The following ASCC1 variants were observed in gnomAD, a reference collection of about 807,000 sequenced individuals.
ASCC1 encodes the protein ASC-1 complex subunit P50.
In ASCC1, 35 loss-of-function variants were observed where a neutral mutation model predicts 46.6. The ratio of observed to expected loss-of-function variants is 0.75; its 90% confidence interval spans 0.57 to 0.99. The LOEUF is 0.99. Among genes scored for constraint, ASCC1 ranks in the 50% least tolerant of loss-of-function variants. ASCC1 has a pLI of 0.00. For missense variants in ASCC1, 376 were observed against 428.7 expected (o/e 0.88, Z 1.09); for synonymous variants, 143 against 146.6 (o/e 0.98, Z 0.18).
intron 5 of ASCC1, among the ~76,000 whole-genome samples, chr10:72,178,823 C>A (rs958080024): frequency 5.3e-5 from 8 of 152,104 alleles, no homozygotes; most frequent in Non-Finnish European, 2.9e-5. Flanking sequence ...TCAACAGAAT[C>A]TTTCATATCA....
At chr10:72,205,774 C>T (rs933457872) in intron 3 of ASCC1, among the ~76,000 whole-genome samples, 9 of 151,696 alleles carry the variant, frequency 5.9e-5, no homozygotes, top group Non-Finnish European at 1.2e-4. Context: ...CCAGCCTGGG[C>T]GACAGAGGGA....
At chr10:72,198,799 C>G (rs892168973) in intron 4 of ASCC1, 8 of 403,216 alleles carry the variant, frequency 2.0e-5, no homozygotes, top group Non-Finnish European at 3.9e-5. Context: ...CTTTACTTCT[C>G]TACAAGATCA....
intron 6 of ASCC1, among the ~76,000 whole-genome samples, chr10:72,160,866 A>G (rs531347393): frequency 5.7e-4 from 87 of 151,376 alleles, no homozygotes; most frequent in South Asian, 5.6e-3. Flanking sequence ...GGCGGATCAC[A>G]AGGTCAAGAG....
chr10:72,145,810 A>G (rs1450618758), intron 7 of ASCC1, among the ~76,000 whole-genome samples: 2 of 152,154 alleles, frequency 1.3e-5, no homozygotes, highest in Non-Finnish European at 2.9e-5. Context: ...TCACTACTCT[A>G]TACTCAGACT....
In ASCC1 at chr10:72,203,457, T is replaced by G. The variant is rs751301889; in HGVS notation, c.280A>C (p.Ile94Leu). 6.2e-7 allele frequency: 1 copy of G among 1,613,600 alleles called. No homozygotes were observed. Among genetic ancestry groups the G allele is most frequent in the Non-Finnish European group, 8.5e-7 (1 of 1,179,682 alleles). ...TCCCCGTCTTGTCCAGGTTTAGGAA[T>G]GCTAATAGAAGTTTTGGTCTCCATT... is the stretch of plus-strand genomic sequence containing the variant. ...IEMETKTSIS[I>L]PKPGQDGEIV... The change falls in exon 4 of 10, where the codon ATT (isoleucine) becomes CTT (leucine). Residue 94 changes from isoleucine to leucine, a missense_variant. Coordinates refer to ENST00000672957, the MANE Select transcript of ASCC1 (RefSeq NM_001198800.3).
chr10:72,214,434 G>A (rs2133563229), intron 1 of ASCC1, among the ~76,000 whole-genome samples: 1 of 128,466 alleles, frequency 7.8e-6, no homozygotes, highest in South Asian at 2.5e-4. Flanking sequence ...GGAGTGCAAT[G>A]ACACAATCTC....
At chr10:72,204,893 T>C (rs1311986449) in intron 3 of ASCC1, among the ~76,000 whole-genome samples, 1 of 152,198 alleles carries the variant, frequency 6.6e-6, no homozygotes, top group Non-Finnish European at 1.5e-5. Context: ...TGTTACTATG[T>C]GGCTAGTGAA....
chr10:72,150,107 C>T (rs1402468280), intron 7 of ASCC1, among the ~76,000 whole-genome samples: 3 of 151,984 alleles, frequency 2.0e-5, no homozygotes, highest in Non-Finnish European at 4.4e-5. Context: ...ATTGCTTGAA[C>T]CTGGGAAGCA....
intron 5 of ASCC1, among the ~76,000 whole-genome samples, chr10:72,188,740 T>C (rs1853899977): frequency 6.6e-6 from 1 of 152,150 alleles, no homozygotes; most frequent in Non-Finnish European, 1.5e-5. Flanking sequence ...ATGTATCAAG[T>C]ACCATGCTGA....
rs767274715 is a variant in ASCC1, at chr10:72,203,566, AC to A, written c.213-43del. 2.2e-6 allele frequency: 3 copies of A among 1,384,150 alleles called. No homozygotes were observed. In the African/African-American group the frequency reaches 4.3e-5, roughly 20 times the overall value. The allele number at this position is 1,384,150 out of a possible 1,614,324, so 85.7% of individuals were successfully genotyped here. ...TTAAAAGAAGATTAAGTCAAAATGT[AC>A]CAAAATAAAGAACCTCATTATGTTT... On this transcript the variant is annotated intron_variant, in intron 3 of 9. Coordinates refer to ENST00000672957, the MANE Select transcript of ASCC1 (RefSeq NM_001198800.3).
intron 6 of ASCC1, among the ~76,000 whole-genome samples, chr10:72,160,452 T>C (rs145749108): frequency 5.3e-5 from 8 of 152,284 alleles, no homozygotes; most frequent in South Asian, 4.1e-4. Context: ...AAAGCTGTTA[T>C]GCCAGATGTA....
chr10:72,172,742 ATATATTATATATTTT>A (rs1342174963), intron 5 of ASCC1, among the ~76,000 whole-genome samples: 2 of 132,532 alleles, frequency 1.5e-5, no homozygotes, highest in East Asian at 4.0e-4. Context: ...TATATATTAC[ATATATTATATATTTT>A]TATATTATAT....
chr10:72,173,110 G>A (rs1851444856), intron 5 of ASCC1, among the ~76,000 whole-genome samples: 1 of 150,614 alleles, frequency 6.6e-6, no homozygotes, highest in Non-Finnish European at 1.5e-5. Flanking sequence ...AGTAGAGCCA[G>A]ACTCAATTCT....
At chr10:72,204,402 G>T in intron 3 of ASCC1, 2 of 1,550,112 alleles carry the variant, frequency 1.3e-6, no homozygotes, top group South Asian at 2.4e-5. Flanking sequence ...ATCACTTATT[G>T]ACTCATTTAC....
chr10:72,215,330 C>G (rs866259713), intron 1 of ASCC1, among the ~76,000 whole-genome samples: 1 of 152,154 alleles, frequency 6.6e-6, no homozygotes, highest in African/African-American at 2.4e-5. Context: ...GCCTGAGAGG[C>G]GGAGGTTGCA....
intron 9 of ASCC1, among the ~76,000 whole-genome samples, chr10:72,125,328 T>C (rs1367437277): frequency 6.6e-6 from 1 of 152,228 alleles, no homozygotes; most frequent in Non-Finnish European, 1.5e-5. Context: ...TGCACACGTA[T>C]GCCTGGGCTC....
At chr10:72,114,331 A>G (rs1412574125) in intron 9 of ASCC1, among the ~76,000 whole-genome samples, 1 of 152,220 alleles carries the variant, frequency 6.6e-6, no homozygotes, top group Non-Finnish European at 1.5e-5. Context: ...CTAATTTTAA[A>G]AAAGAAATAA....
chr10:72,151,811 C>T (rs1848372854), intron 7 of ASCC1, among the ~76,000 whole-genome samples: 1 of 151,386 alleles, frequency 6.6e-6, no homozygotes, highest in Non-Finnish European at 1.5e-5. Flanking sequence ...GCCTCAGCCT[C>T]CCGAGTAGCT....
At chr10:72,136,876 C>T (rs1339877749) in intron 7 of ASCC1, among the ~76,000 whole-genome samples, 1 of 152,014 alleles carries the variant, frequency 6.6e-6, no homozygotes, top group African/African-American at 2.4e-5. Context: ...AGCTTCACTC[C>T]TGAAGTCAGC....
Sources: gnomAD v4.1 joint callset for allele counts (sites outside exome capture counted in the v4.1 genomes callset) on GRCh38, gnomAD v4.1.1 for gene constraint, MANE v1.5 for transcripts, NCBI Gene and HGNC (gene_info 2026-07-23, HGNC 2026-07-21) for gene names.